Variants in PFDN1 observed in about 807,000 individuals in gnomAD.
The protein encoded by PFDN1 is prefoldin subunit 1.
In PFDN1, 6 loss-of-function variants were observed where a neutral mutation model predicts 17.3. The ratio of observed to expected loss-of-function variants is 0.35; its 90% CI spans 0.19 to 0.69. The LOEUF (loss-of-function observed/expected upper bound fraction) is 0.69, where lower values mean the gene tolerates loss of function less well. PFDN1 is among the 30% of genes least tolerant of loss of function. PFDN1 has a pLI of 0.65. For missense variants in PFDN1, 113 were observed against 146.2 expected, an observed-to-expected ratio of 0.77 and a Z score of 1.17; for synonymous variants, 58 against 50.1, an observed-to-expected ratio of 1.16 and a Z score of -0.67.
intron 2 of PFDN1, among the ~76,000 whole-genome samples, chr5:140,296,070 T>C (rs1765649798): frequency 6.6e-6 from 1 of 152,178 alleles, no homozygotes; most frequent in Non-Finnish European, 1.5e-5. Flanking sequence ...ATATATTTAA[T>C]GAAGAATTAA....
chr5:140,286,538 G>A (rs1292474711), intron 2 of PFDN1, among the ~76,000 whole-genome samples: 2 of 142,476 alleles, frequency 1.4e-5, no homozygotes, highest in African/African-American at 2.6e-5. Flanking sequence ...AAGAAAGAGA[G>A]AGCTTTTTAA....
chr5:140,258,106 G>A (rs1409192763), intron 3 of PFDN1, among the ~76,000 whole-genome samples: 1 of 152,166 alleles, frequency 6.6e-6, no homozygotes, highest in Non-Finnish European at 1.5e-5. Flanking sequence ...CAGATCGTGT[G>A]GGGTCTTAAG....
At chr5:140,291,381 G>A (rs1049770237) in intron 2 of PFDN1, among the ~76,000 whole-genome samples, 7 of 152,082 alleles carry the variant, frequency 4.6e-5, no homozygotes, top group Admixed American at 3.9e-4. Flanking sequence ...AGGGGCCAAG[G>A]GTGACTCCAA....
chr5:140,271,479 C>T (rs1004844916), intron 3 of PFDN1, among the ~76,000 whole-genome samples: 3 of 152,080 alleles, frequency 2.0e-5, no homozygotes, highest in Non-Finnish European at 4.4e-5. Flanking sequence ...GCATTGATTT[C>T]TAAGATAAAA....
chr5:140,264,401 GT>G (rs1340589204), intron 3 of PFDN1, among the ~76,000 whole-genome samples: 4 of 152,170 alleles, frequency 2.6e-5, no homozygotes, highest in Admixed American at 6.5e-5. Flanking sequence ...TAATTCCAGA[GT>G]TCATATTCTT....
intron 3 of PFDN1, among the ~76,000 whole-genome samples, chr5:140,269,841 C>T (rs1023197703): frequency 6.6e-6 from 1 of 152,098 alleles, no homozygotes; most frequent in African/African-American, 2.4e-5. Context: ...TGAGGCTTAG[C>T]GTACAGCAAG....
chr5:140,281,825 C>A (rs1490210818), intron 2 of PFDN1: 17 of 264,218 alleles, frequency 6.4e-5, no homozygotes, highest in Non-Finnish European at 1.1e-4. Context: ...ATTGTTTGAG[C>A]CCAGGTGTCT....
chr5:140,246,734 G>A (rs1001975455), intron 3 of PFDN1, among the ~76,000 whole-genome samples: 16 of 152,142 alleles, frequency 1.1e-4, no homozygotes, highest in African/African-American at 3.9e-4. Context: ...ACTTTCAGGA[G>A]CCAAGATTTC....
chr5:140,251,995 T>TTCTC (rs1554071147), intron 3 of PFDN1, among the ~76,000 whole-genome samples: 148 of 150,500 alleles, frequency 9.8e-4, no homozygotes, highest in Non-Finnish European at 1.9e-3. Flanking sequence ...TTAGTTTTTT[T>TTCTC]TTTCTTTCTT....
At chr5:140,279,847 T>C (rs568471784) in intron 3 of PFDN1, among the ~76,000 whole-genome samples, 1 of 151,382 alleles carries the variant, frequency 6.6e-6, no homozygotes, top group Admixed American at 6.6e-5. Flanking sequence ...AACACAAAAT[T>C]AGCAGGGCGT....
rs70988742 is a variant in PFDN1, at chr5:140,286,411, CAAA to C, written c.201-4881_201-4879del. Among the ~76,000 whole-genome samples, 53 of 83,490 alleles carry C rather than the reference CAAA, an allele frequency of 6.3e-4. 1 individual carries two copies. The highest frequency in any genetic ancestry group is 1.1e-3 in the Admixed American group (8 of 7,442). 54.8% of individuals were successfully genotyped at this position (83,490 alleles called of 152,430 possible). A position where few individuals can be genotyped will look rare whatever the true frequency, so the allele number is the denominator to read the frequency against. On this transcript the variant is annotated intron_variant, in intron 2 of 3. Coordinates refer to ENST00000261813, the MANE Select transcript of PFDN1 (RefSeq NM_002622.5). ...TGGGTGACAGAGTGAGACTCTGTCT[CAAA>C]AAAAAAAAAAAAAAAGAAAAGAAAA...
At chr5:140,257,709 T>C (rs1346390210) in intron 3 of PFDN1, among the ~76,000 whole-genome samples, 1 of 152,204 alleles carries the variant, frequency 6.6e-6, no homozygotes, top group African/African-American at 2.4e-5. Flanking sequence ...AACTGGCACA[T>C]AATTCATCTA....
intron 3 of PFDN1, among the ~76,000 whole-genome samples, chr5:140,256,380 AAAC>A (rs373938573): frequency 5.3e-5 from 8 of 152,000 alleles, no homozygotes; most frequent in African/African-American, 9.7e-5. Flanking sequence ...CCTCCATCTC[AAAC>A]AACAACAACA....
chr5:140,292,261 CAATA>C (rs1765591731), intron 2 of PFDN1, among the ~76,000 whole-genome samples: 1 of 152,014 alleles, frequency 6.6e-6, no homozygotes, highest in Non-Finnish European at 1.5e-5. Context: ...TAAAATATAG[CAATA>C]GATAAAATAT....
chr5:140,274,957 C>T (rs1189321270), intron 3 of PFDN1, among the ~76,000 whole-genome samples: 1 of 146,486 alleles, frequency 6.8e-6, no homozygotes, highest in Non-Finnish European at 1.5e-5. Flanking sequence ...TGTGATACTG[C>T]ACCCCAGCCT....
chr5:140,267,796 GA>G (rs1765155239), intron 3 of PFDN1, among the ~76,000 whole-genome samples: 1 of 150,150 alleles, frequency 6.7e-6, no homozygotes. Flanking sequence ...CCCTAAGAAA[GA>G]ATCATTTTCC....
intron 2 of PFDN1, among the ~76,000 whole-genome samples, chr5:140,297,123 T>C (rs561950338): frequency 3.9e-5 from 6 of 152,336 alleles, no homozygotes; most frequent in Admixed American, 6.5e-5. Flanking sequence ...CAATGAGACC[T>C]GAATTTCAGC....
At chr5:140,263,744 G>A (rs191645085) in intron 3 of PFDN1, among the ~76,000 whole-genome samples, 17 of 152,140 alleles carry the variant, frequency 1.1e-4, no homozygotes, top group Admixed American at 7.2e-4. Flanking sequence ...AGAAGGAGCC[G>A]GGCGTGGTGG....
At chr5:140,302,796 G>T (rs573867114) in intron 1 of PFDN1, among the ~76,000 whole-genome samples, 7 of 152,158 alleles carry the variant, frequency 4.6e-5, no homozygotes, top group African/African-American at 1.4e-4. Flanking sequence ...AGAAAGACTG[G>T]ACAAGCCCGA....
Sources: gnomAD v4.1 joint callset for allele counts (sites outside exome capture counted in the v4.1 genomes callset) on GRCh38, gnomAD v4.1.1 for gene constraint, MANE v1.5 for transcripts, NCBI Gene and HGNC (gene_info 2026-07-23, HGNC 2026-07-21) for gene names.